RBFOX1: variants seen among roughly 807,000 people sequenced by gnomAD.
The protein encoded by RBFOX1 is RNA binding fox-1 homolog 1, also known as RNA binding protein fox-1 homolog 1.
In RBFOX1, 8 loss-of-function variants were observed where a neutral mutation model predicts 57.7. The observed-to-expected ratio is 0.14, with a 90% CI of 0.08 to 0.25. RBFOX1 has a LOEUF of 0.25. RBFOX1 is among the 10% of genes least tolerant of loss of function. The probability of loss-of-function intolerance (pLI) is 1.00; values close to 1 mark genes in which losing one functional copy is unlikely to be tolerated. For missense variants in RBFOX1, 611 were observed against 548.5 expected (o/e 1.11, Z -1.14); for synonymous variants, 326 against 222.4 (o/e 1.47, Z -4.15).
At chr16:5,753,903 C>T (rs1471237352) in intron 3 of RBFOX1, among the ~76,000 whole-genome samples, 1 of 151,916 alleles carries the variant, frequency 6.6e-6, no homozygotes, top group Non-Finnish European at 1.5e-5. Context: ...TACAGAAAAG[C>T]AGGGACAATA....
intron 4 of RBFOX1, among the ~76,000 whole-genome samples, chr16:5,920,877 G>T (rs1464365494): frequency 7.7e-6 from 1 of 129,222 alleles, no homozygotes; most frequent in African/African-American, 2.7e-5. Context: ...GAAAAGCACA[G>T]ACACTTCCTG....
At chr16:7,698,359 G>C (rs767669744) in intron 14 of RBFOX1, among the ~76,000 whole-genome samples, 1 of 151,996 alleles carries the variant, frequency 6.6e-6, no homozygotes, top group African/African-American at 2.4e-5. Flanking sequence ...ACAACCATGT[G>C]GGGTGAGGGT....
chr16:5,964,607 A>G (rs1211468345), intron 4 of RBFOX1, among the ~76,000 whole-genome samples: 1 of 152,122 alleles, frequency 6.6e-6, no homozygotes, highest in Non-Finnish European at 1.5e-5. Flanking sequence ...ATCTATGTAT[A>G]TATATATCTC....
Position 6,350,490 on chromosome 16 carries a change from A to C in RBFOX1, c.-64+33433A>C, listed in dbSNP as rs931122466. ...AAAAAAAAAAAAAAAAAAAAAAAAA[A>C]AAAAAAAAACAGTGTTCTCTAGAAT... On this transcript the variant is annotated intron_variant, in intron 2 of 15. Transcript: ENST00000550418. Among the ~76,000 whole-genome samples, 15 of 128,402 alleles carry C rather than the reference A, an allele frequency of 1.2e-4. 1 individual carries two copies. Among genetic ancestry groups the C allele is most frequent in the African/African-American group, 1.9e-4 (6 of 32,244 alleles). 84.2% of individuals were successfully genotyped at this position (128,402 alleles called of 152,430 possible).
At chr16:6,587,439 G>A (rs1449759677) in intron 2 of RBFOX1, among the ~76,000 whole-genome samples, 1 of 152,080 alleles carries the variant, frequency 6.6e-6, no homozygotes, top group Non-Finnish European at 1.5e-5. Context: ...ACACCACCAT[G>A]CCTGGCTAAT....
intron 3 of RBFOX1, among the ~76,000 whole-genome samples, chr16:6,758,782 T>C (rs755033234): frequency 4.6e-5 from 7 of 152,132 alleles, no homozygotes; most frequent in Non-Finnish European, 1.0e-4. Context: ...CATCATGGGG[T>C]TGAGAGGGAC....
At chr16:5,799,953 T>C (rs1211178991) in intron 3 of RBFOX1, among the ~76,000 whole-genome samples, 1 of 152,164 alleles carries the variant, frequency 6.6e-6, no homozygotes, top group African/African-American at 2.4e-5. Flanking sequence ...TAAATATATA[T>C]CTGTCTGTCC....
intron 3 of RBFOX1, among the ~76,000 whole-genome samples, chr16:6,784,270 A>G (rs767683364): frequency 6.6e-6 from 1 of 151,776 alleles, no homozygotes; most frequent in Admixed American, 6.6e-5. Context: ...TTTTTAGGTT[A>G]TTTTCTAAAT....
chr16:7,677,580 C>G (rs950353753), intron 14 of RBFOX1, among the ~76,000 whole-genome samples: 1 of 152,104 alleles, frequency 6.6e-6, no homozygotes, highest in Non-Finnish European at 1.5e-5. Context: ...GTTCCTGAAA[C>G]AGCAAGCCGT....
At chr16:7,483,158 G>A (rs925663148) in intron 4 of RBFOX1, among the ~76,000 whole-genome samples, 6 of 152,182 alleles carry the variant, frequency 3.9e-5, no homozygotes, top group African/African-American at 1.2e-4. Flanking sequence ...AATTGGGATC[G>A]CAGAGCAGTG....
intron 10 of RBFOX1, among the ~76,000 whole-genome samples, chr16:7,608,062 G>C (rs1349745292): frequency 1.3e-5 from 2 of 152,162 alleles, no homozygotes; most frequent in Admixed American, 6.5e-5. Flanking sequence ...CCTTGCTCTT[G>C]AACAAGGCTG....
chr16:5,391,511 C>A (rs983273625), intron 1 of RBFOX1, among the ~76,000 whole-genome samples: 2 of 152,084 alleles, frequency 1.3e-5, no homozygotes, highest in African/African-American at 2.4e-5. Flanking sequence ...GGAGAATCTC[C>A]CCATTTTAAG....
chr16:7,469,917 T>C (rs1404836590), intron 4 of RBFOX1, among the ~76,000 whole-genome samples: 1 of 152,164 alleles, frequency 6.6e-6, no homozygotes, highest in Non-Finnish European at 1.5e-5. Flanking sequence ...CTCATATAAA[T>C]GGAATCATAC....
chr16:7,004,631 C>G (rs899557424), intron 3 of RBFOX1, among the ~76,000 whole-genome samples: 4 of 152,146 alleles, frequency 2.6e-5, no homozygotes, highest in African/African-American at 7.2e-5. Flanking sequence ...TCTTGAAAGC[C>G]TCAACATTGG....
At chr16:6,022,250 A>T (rs1451826546) in intron 1 of RBFOX1, among the ~76,000 whole-genome samples, 1 of 43,378 alleles carries the variant, frequency 2.3e-5, no homozygotes, top group Non-Finnish European at 4.9e-5. Flanking sequence ...ACCTTAGCAA[A>T]TCTGTTTTTT....
chr16:5,969,424 G>C (rs1366620194), intron 4 of RBFOX1, among the ~76,000 whole-genome samples: 1 of 143,782 alleles, frequency 7.0e-6, no homozygotes, highest in Non-Finnish European at 1.5e-5. Context: ...CGATTCTCCT[G>C]CCTCAGCCTC....
chr16:7,163,981 C>T (rs1042664700), intron 4 of RBFOX1, among the ~76,000 whole-genome samples: 1 of 152,060 alleles, frequency 6.6e-6, no homozygotes, highest in South Asian at 2.1e-4. Context: ...ATTTTAATTT[C>T]AGCAGGTTTT....
intron 3 of RBFOX1, among the ~76,000 whole-genome samples, chr16:6,872,657 G>C (rs144761530): frequency 8.8e-4 from 134 of 152,348 alleles, no homozygotes; most frequent in African/African-American, 3.1e-3. Context: ...AAAGTAGAAT[G>C]ATTGGACACT....
At chr16:6,206,241 T>A (rs1335735568) in intron 1 of RBFOX1, among the ~76,000 whole-genome samples, 1 of 152,154 alleles carries the variant, frequency 6.6e-6, no homozygotes, top group African/African-American at 2.4e-5. Flanking sequence ...AGCCAGGCTC[T>A]TTCCCGCTGC....
Sources: gnomAD v4.1 joint callset for allele counts (sites outside exome capture counted in the v4.1 genomes callset) on GRCh38, gnomAD v4.1.1 for gene constraint, MANE v1.5 for transcripts, NCBI Gene and HGNC (gene_info 2026-07-23, HGNC 2026-07-21) for gene names.